CCDC81: variants seen among roughly 807,000 people sequenced by gnomAD.
CCDC81 encodes coiled-coil domain-containing protein 81.
Under a neutral mutation model 83.7 loss-of-function variants are expected in CCDC81, and 79 were observed. The observed-to-expected ratio is 0.94, with a 90% CI of 0.79 to 1.14. The LOEUF (loss-of-function observed/expected upper bound fraction) is 1.14. Among genes scored for constraint, CCDC81 ranks in the 50% most tolerant of loss-of-function variants. The pLI, the probability that CCDC81 is intolerant of heterozygous loss-of-function variation, is 0.00. For synonymous variants in CCDC81, 252 were observed against 278.1 expected (o/e 0.91, Z 0.93); for missense variants, 791 against 778.1 (o/e 1.02, Z -0.20).
intron 3 of CCDC81, among the ~76,000 whole-genome samples, chr11:86,391,612 A>G (rs1157752109): frequency 1.3e-5 from 2 of 152,210 alleles, no homozygotes; most frequent in Non-Finnish European, 2.9e-5. Context: ...TGAGTCATTT[A>G]GTCTGATACC....
At chr11:86,395,237 G>A (rs1593919110) in intron 4 of CCDC81, 97 bp from the exon 5 acceptor site, 6 of 847,020 alleles carry the variant, frequency 7.1e-6, no homozygotes, top group African/African-American at 3.4e-5. Flanking sequence ...AACAAGAAAA[G>A]TATCGTGGTA....
At position 86,409,273 on chromosome 11, in the gene CCDC81, G is replaced by A. The variant is rs777190181; in HGVS notation, c.1126G>A (p.Ala376Thr). ...TTTTAAACAATAGATGAAAAGTCTGGCTACTAGAGAACAGAATCAGAAAAA... is the reference window on the plus strand; with the variant it reads ...TTTTAAACAATAGATGAAAAGTCTGACTACTAGAGAACAGAATCAGAAAAA... ...ALFRHQMKSL[A>T]TREQNQKNAA... Residue 376 changes from alanine to threonine, a missense_variant, in exon 10 of 15, where the codon GCT becomes ACT. Coordinates refer to ENST00000445632, the MANE Select transcript of CCDC81 (RefSeq NM_001156474.2). The A allele has an allele frequency of 1.4e-6, 2 of 1,454,392 alleles. No homozygotes were observed. Among genetic ancestry groups the A allele is most frequent in the Non-Finnish European group, 1.8e-6 (2 of 1,094,490 alleles). 90.1% of individuals were successfully genotyped at this position (1,454,392 alleles called of 1,614,324 possible). A position where few individuals can be genotyped will look rare whatever the true frequency, so the allele number is the denominator to read the frequency against.
rs914474558 is a variant in CCDC81, at chr11:86,375,331, C to A, written c.79+89C>A. ...GCGGGGGGACCCACTTCCCAATTCC[C>A]TGGCTCAGGCCTGGCCTGCCGTGGC... On this transcript the variant is annotated intron_variant, in intron 1 of 14. Transcript: ENST00000445632. 32 of 1,181,702 alleles carry A rather than the reference C, an allele frequency of 2.7e-5. No homozygotes were observed. In the African/African-American group the frequency reaches 4.5e-4, roughly 17 times the overall value. 73.2% of individuals were successfully genotyped at this position (1,181,702 alleles called of 1,614,324 possible). A position where few individuals can be genotyped will look rare whatever the true frequency, so the allele number is the denominator to read the frequency against.
At chr11:86,409,175 T>G in intron 9 of CCDC81, 86 bp from the exon 10 acceptor site, 2 of 569,782 alleles carry the variant, frequency 3.5e-6, no homozygotes, top group Non-Finnish European at 5.8e-6. Context: ...ATTATTTTAA[T>G]GTAATAGAAT....
chr11:86,412,411 C>A lies in CCDC81; in HGVS notation c.1243C>A (p.Pro415Thr). 6.3e-7 allele frequency: 1 copy of A among 1,597,136 alleles called. No individual in the cohort carries two copies. Among genetic ancestry groups the A allele is most frequent in the Non-Finnish European group, 8.5e-7 (1 of 1,174,962 alleles). Reference sequence around the variant, plus strand: ...GAAATCCTTCCTATTTGACAAACGGCCACTCAGTCCTGCGCTTAATGCTCT... The same window carrying A: ...GAAATCCTTCCTATTTGACAAACGGACACTCAGTCCTGCGCTTAATGCTCT... ...FYKSFLFDKR[P>T]LSPALNALKQ... Residue 415 changes from proline to threonine, a missense_variant, in exon 11 of 15, where the codon CCA becomes ACA. Physicochemically the swap from Pro to Thr is conservative, Grantham distance 38. Transcript: ENST00000445632.
At chr11:86,411,457 T>C (rs887913077) in intron 10 of CCDC81, among the ~76,000 whole-genome samples, 3 of 152,214 alleles carry the variant, frequency 2.0e-5, no homozygotes, top group African/African-American at 7.2e-5. Flanking sequence ...TTAAATGACC[T>C]GATGTACCGT....
intron 3 of CCDC81, among the ~76,000 whole-genome samples, chr11:86,390,848 G>A (rs1948318950): frequency 6.6e-6 from 1 of 152,164 alleles, no homozygotes; most frequent in Non-Finnish European, 1.5e-5. Context: ...TGCACATGCT[G>A]AATTTGAGAT....
chr11:86,397,836 A>C, intron 6 of CCDC81, 94 bp downstream of exon 6: 1 of 1,399,548 alleles, frequency 7.1e-7, no homozygotes, highest in Non-Finnish European at 9.5e-7. Flanking sequence ...TTAAATTTAC[A>C]AATAATCACT....
At chr11:86,402,223 A>G (rs1278829592) in intron 7 of CCDC81, among the ~76,000 whole-genome samples, 1 of 152,122 alleles carries the variant, frequency 6.6e-6, no homozygotes, top group African/African-American at 2.4e-5. Context: ...AATTTTGAGA[A>G]AACCAAAAAA....
At chr11:86,399,641 C>A (rs1398221755) in intron 6 of CCDC81, among the ~76,000 whole-genome samples, 2 of 152,010 alleles carry the variant, frequency 1.3e-5, no homozygotes, top group Non-Finnish European at 2.9e-5. Context: ...AACATGCCTG[C>A]CCTTCCCCAA....
chr11:86,377,246 G>A (rs962704779), intron 1 of CCDC81, among the ~76,000 whole-genome samples: 1 of 151,790 alleles, frequency 6.6e-6, no homozygotes, highest in Admixed American at 6.6e-5. Context: ...TATGAATAAA[G>A]CTGTTTTAAA....
At chr11:86,398,103 G>A (rs1013441084) in intron 6 of CCDC81, among the ~76,000 whole-genome samples, 3 of 151,998 alleles carry the variant, frequency 2.0e-5, no homozygotes, top group African/African-American at 7.3e-5. Flanking sequence ...CCAAAGTGCT[G>A]GGATTACAGG....
At chr11:86,391,094 G>GAGATGAT (rs1365925523) in intron 3 of CCDC81, among the ~76,000 whole-genome samples, 2 of 152,218 alleles carry the variant, frequency 1.3e-5, no homozygotes, top group Non-Finnish European at 2.9e-5. Context: ...GACAATCTAT[G>GAGATGAT]AGATGATAGT....
chr11:86,378,906 T>G (rs1295331553), intron 1 of CCDC81, among the ~76,000 whole-genome samples: 1 of 152,180 alleles, frequency 6.6e-6, no homozygotes, highest in Non-Finnish European at 1.5e-5. Flanking sequence ...TTTTGTTTTT[T>G]GGTCCACTCC....
chr11:86,422,486 T>C, intron 14 of CCDC81, 88 bp from the exon 15 acceptor site: 2 of 1,259,676 alleles, frequency 1.6e-6, no homozygotes, highest in Non-Finnish European at 2.2e-6. Flanking sequence ...CACTTTTCTT[T>C]TGTGTACCTC....
Position 86,415,121 on chromosome 11 carries a change from C to T in CCDC81, c.1499C>T (p.Pro500Leu), listed in dbSNP as rs118081475. 7 of 1,614,162 alleles carry T rather than the reference C, an allele frequency of 4.3e-6. No individual in the cohort carries two copies. Among genetic ancestry groups the T allele is most frequent in the South Asian group, 2.2e-5 (2 of 91,084 alleles). Residue 500 changes from proline to leucine, a missense_variant, in exon 13 of 15, where the codon CCC becomes CTC. Transcript: ENST00000445632. The stretch of plus-strand genomic sequence containing the variant: ...AAGAACAAACCCTCTCGGCTGCCCC[C>T]CTTTGAGCCAGACTCCTCTGAGCCC... ...QIKNKPSRLPPFEPDSSEPIF... is the reference protein window; with the variant it reads ...QIKNKPSRLPLFEPDSSEPIF...
intron 1 of CCDC81, among the ~76,000 whole-genome samples, chr11:86,375,837 CAGG>C (rs1448287082): frequency 1.3e-5 from 2 of 152,246 alleles, no homozygotes; most frequent in Admixed American, 6.5e-5. Flanking sequence ...CTGCAAACCA[CAGG>C]AGAAGAGAGG....
At position 86,400,148 on chromosome 11, in the gene CCDC81, A is replaced by AT. The variant is rs1323625095; in HGVS notation, c.758-530_758-529insT. 2.0e-5 allele frequency among the ~76,000 whole-genome samples: 3 copies of AT among 148,062 alleles called. No individual in the cohort carries two copies. In the East Asian group the frequency reaches 5.9e-4, roughly 29 times the overall value. ...TCCATCTCAAAAAAAAAAAAAAAAA[A>AT]GAAAAAGACTGCAACATTTATTTGT... On this transcript the variant is annotated intron_variant, in intron 6 of 14. Transcript: ENST00000445632.
chr11:86,387,424 C>T (rs966275072), intron 2 of CCDC81, 92 bp from the exon 3 acceptor site: 203 of 1,272,970 alleles, frequency 1.6e-4, no homozygotes, highest in Non-Finnish European at 5.4e-5. Context: ...CCTAAGCTTA[C>T]TTCTCTTCGT....
Sources: allele counts gnomAD v4.1 joint callset (sites outside exome capture counted in the v4.1 genomes callset), GRCh38; gene constraint gnomAD v4.1.1; transcripts MANE v1.5; gene names NCBI Gene and HGNC (gene_info 2026-07-23, HGNC 2026-07-21).